The following NIPSNAP3A variants were observed in gnomAD, a reference collection of about 807,000 sequenced individuals.
NIPSNAP3A encodes the protein protein NipSnap homolog 3A.
Under a neutral mutation model 32.3 loss-of-function variants are expected in NIPSNAP3A, and 27 were observed. The observed-to-expected ratio is 0.84, with a 90% CI of 0.62 to 1.15. The LOEUF (loss-of-function observed/expected upper bound fraction) is 1.15, where lower values mean the gene tolerates loss of function less well. NIPSNAP3A is among the 50% of genes most tolerant of loss of function. NIPSNAP3A has a pLI of 0.00. For synonymous variants in NIPSNAP3A, 108 were observed against 107.3 expected (o/e 1.01, Z -0.04); for missense variants, 278 against 297.2 (o/e 0.94, Z 0.48).
rs534408435 is a variant in NIPSNAP3A, at chr9:104,748,661, C to T, written c.60+809C>T. Among the ~76,000 whole-genome samples the T allele has an allele frequency of 3.3e-5, 5 of 152,284 alleles. No individual in the cohort carries two copies. In the South Asian group the frequency reaches 1.0e-3, roughly 32 times the overall value. ...GGGGCAGGATGGGAAGGGGATTAAC[C>T]TGTCCTAGAGACAGACTGAGGAGCA... On this transcript the variant is annotated intron_variant, in intron 1 of 5. Transcript: ENST00000374767.
chr9:104,754,306 T>A, intron 3 of NIPSNAP3A: 1 of 378,346 alleles, frequency 2.6e-6, no homozygotes, highest in Non-Finnish European at 4.8e-6. Context: ...ATAGTTATAA[T>A]AGCTTCCAGT....
Position 104,759,303 on chromosome 9 carries a change from C to T in NIPSNAP3A, c.709C>T (p.Leu237Phe), listed in dbSNP as rs758059066. ...CTACCTAGTATCTCAGCAGAATATGCTTCTGATTCCTACATCGTTTTCACC... is the reference window on the plus strand; with the variant it reads ...CTACCTAGTATCTCAGCAGAATATGTTTCTGATTCCTACATCGTTTTCACC... ...VNYLVSQQNM[L>F]LIPTSFSPLK Residue 237 changes from leucine (L) to phenylalanine (F), a missense_variant, in exon 6 of 6, where the codon CTT becomes TTT. Physicochemically the swap from Leu to Phe is conservative, Grantham distance 22. Coordinates refer to ENST00000374767, the MANE Select transcript of NIPSNAP3A (RefSeq NM_015469.3). 7 of 1,613,980 alleles carry T rather than the reference C, an allele frequency of 4.3e-6. No homozygotes were observed. The Admixed American group carries it at 8.3e-5, about 19-fold the overall frequency.
chr9:104,751,824 G>A (rs757941367), intron 2 of NIPSNAP3A, among the ~76,000 whole-genome samples: 2 of 152,096 alleles, frequency 1.3e-5, no homozygotes, highest in South Asian at 2.1e-4. Context: ...AGTTCTTCCC[G>A]TGTTGAAACT....
rs776980901 is a variant in NIPSNAP3A, at chr9:104,747,865, G to A, written c.60+13G>A. Reference sequence around the variant, plus strand: ...GCTGGCGCCTCAGGTACCGGCCACGGGGGTACCCAAGCCTTCACCCGACGG... The same window carrying A: ...GCTGGCGCCTCAGGTACCGGCCACGAGGGTACCCAAGCCTTCACCCGACGG... On this transcript the variant is annotated intron_variant, in intron 1 of 5. Transcript: ENST00000374767. The A allele has an allele frequency of 1.0e-5, 16 of 1,602,708 alleles. No homozygotes were observed. Among genetic ancestry groups the A allele is most frequent in the South Asian group, 3.3e-5 (3 of 90,278 alleles).
chr9:104,752,727 T>G (rs1435039401), intron 2 of NIPSNAP3A, among the ~76,000 whole-genome samples, 179 bp from the exon 3 acceptor site: 1 of 152,198 alleles, frequency 6.6e-6, no homozygotes, highest in African/African-American at 2.4e-5. Context: ...TACTGCCCTT[T>G]TTGTCCTTGA....
At chr9:104,748,832 C>A (rs1439403247) in intron 1 of NIPSNAP3A, among the ~76,000 whole-genome samples, 1 of 152,180 alleles carries the variant, frequency 6.6e-6, no homozygotes, top group African/African-American at 2.4e-5. Context: ...ATCAGTTGTT[C>A]TCTTTTAAGT....
intron 4 of NIPSNAP3A, among the ~76,000 whole-genome samples, chr9:104,757,739 G>A (rs1441937721): frequency 2.6e-5 from 4 of 151,802 alleles, no homozygotes; most frequent in Admixed American, 6.6e-5. Flanking sequence ...ATGTTTATTT[G>A]TATACATATA....
At chr9:104,754,787 T>G (rs554873923) in intron 4 of NIPSNAP3A, 87 bp downstream of exon 4, 1 of 988,520 alleles carries the variant, frequency 1.0e-6, no homozygotes, top group East Asian at 2.6e-5. Flanking sequence ...CATTATAGAG[T>G]ATGTTTTATT....
intron 4 of NIPSNAP3A, among the ~76,000 whole-genome samples, chr9:104,755,132 T>C (rs1177054181): frequency 6.6e-6 from 1 of 151,840 alleles, no homozygotes; most frequent in Non-Finnish European, 1.5e-5. Context: ...TCCCAGCTAT[T>C]CTGGAGGCTG....
chr9:104,750,733 T>C (rs189593980), intron 1 of NIPSNAP3A, among the ~76,000 whole-genome samples: 160 of 152,326 alleles, frequency 1.1e-3, no homozygotes, highest in African/African-American at 3.7e-3. Context: ...TCTGCTTTTG[T>C]TACTTCATTC....
At chr9:104,757,755 A>G (rs1827922835) in intron 4 of NIPSNAP3A, among the ~76,000 whole-genome samples, 1 of 152,192 alleles carries the variant, frequency 6.6e-6, no homozygotes, top group South Asian at 2.1e-4. Context: ...ATATACAACT[A>G]TATATAAAAA....
chr9:104,754,379 T>G, intron 3 of NIPSNAP3A, 172 bp from the exon 4 acceptor site: 1 of 593,416 alleles, frequency 1.7e-6, no homozygotes, highest in Non-Finnish European at 3.0e-6. Context: ...GGGCAAGGAC[T>G]TTCTAAGCAT....
At chr9:104,751,264 G>A (rs1037839875) in intron 2 of NIPSNAP3A, 98 bp downstream of exon 2, 8 of 1,113,434 alleles carry the variant, frequency 7.2e-6, no homozygotes, top group Non-Finnish European at 8.2e-6. Flanking sequence ...GTTCTTGGAT[G>A]TATATTATTT....
At chr9:104,752,848 A>G (rs1346741146) in intron 2 of NIPSNAP3A, 58 bp from the exon 3 acceptor site, 3 of 1,440,786 alleles carry the variant, frequency 2.1e-6, no homozygotes, top group Non-Finnish European at 2.9e-6. Context: ...AAACCCAGAA[A>G]AGTACAGGTG....
At chr9:104,749,653 A>G (rs13286392) in intron 1 of NIPSNAP3A, among the ~76,000 whole-genome samples, 10,326 of 152,194 alleles carry the variant, frequency 0.068, 414 homozygotes, top group South Asian at 0.16. Flanking sequence ...ATGAGTGCAT[A>G]TATATATGTG....
intron 4 of NIPSNAP3A, among the ~76,000 whole-genome samples, chr9:104,756,782 G>A (rs1407264753): frequency 6.6e-6 from 1 of 151,100 alleles, no homozygotes; most frequent in African/African-American, 2.4e-5. Flanking sequence ...ATATTTCAGT[G>A]AGATAAATGG....
At chr9:104,755,793 C>T (rs1295271965) in intron 4 of NIPSNAP3A, among the ~76,000 whole-genome samples, 4 of 152,030 alleles carry the variant, frequency 2.6e-5, no homozygotes, top group Non-Finnish European at 5.9e-5. Flanking sequence ...GTGGCAAACA[C>T]CTGTAGTCCT....
At chr9:104,758,965 T>C (rs1418369410) in intron 4 of NIPSNAP3A, 120 bp from the exon 5 acceptor site, 8 of 1,101,012 alleles carry the variant, frequency 7.3e-6, no homozygotes, top group African/African-American at 5.5e-5. Context: ...AGTGAAACTC[T>C]TGTTTCAAAA....
chr9:104,759,007 G>C, intron 4 of NIPSNAP3A, 78 bp from the exon 5 acceptor site: 2 of 1,217,532 alleles, frequency 1.6e-6, no homozygotes, highest in Non-Finnish European at 2.4e-6. Flanking sequence ...GAATAGGATG[G>C]GTTTGATTCA....
Sources: allele counts gnomAD v4.1 joint callset (sites outside exome capture counted in the v4.1 genomes callset), GRCh38; gene constraint gnomAD v4.1.1; transcripts MANE v1.5; gene names NCBI Gene and HGNC (gene_info 2026-07-23, HGNC 2026-07-21).